The following ANK3 variants were observed in gnomAD, a reference collection of about 807,000 sequenced individuals.
ANK3 encodes the protein ankyrin-3.
A neutral mutation model predicts 370.9 loss-of-function variants in ANK3; 57 were observed. That is an observed-to-expected ratio of 0.15 (90% CI 0.12 to 0.19). The LOEUF (loss-of-function observed/expected upper bound fraction) is 0.19. Among genes scored for constraint, ANK3 ranks in the 10% least tolerant of loss-of-function variants. The probability of loss-of-function intolerance (pLI) is 1.00; values close to 1 mark genes in which losing one functional copy is unlikely to be tolerated. For missense variants in ANK3, 4,439 were observed against 5,302.1 expected, an observed-to-expected ratio of 0.84 and a Z score of 5.06; for synonymous variants, 1,929 against 1,946.3, an observed-to-expected ratio of 0.99 and a Z score of 0.23.
At chr10:60,598,498 C>T (rs1039533044) in intron 2 of ANK3, among the ~76,000 whole-genome samples, 1 of 152,034 alleles carries the variant, frequency 6.6e-6, no homozygotes, top group African/African-American at 2.4e-5. Flanking sequence ...GAAAAGATTA[C>T]CTTGGAAATG....
chr10:60,219,087 A>G (rs1009047164), intron 8 of ANK3, among the ~76,000 whole-genome samples: 1 of 151,578 alleles, frequency 6.6e-6, no homozygotes, highest in Non-Finnish European at 1.5e-5. Flanking sequence ...TGATACTTGT[A>G]TATGCTTCAT....
intron 2 of ANK3, among the ~76,000 whole-genome samples, chr10:60,614,741 T>A (rs2078244727): frequency 1.3e-5 from 2 of 152,228 alleles, no homozygotes; most frequent in African/African-American, 4.8e-5. Context: ...TAATTCCAGA[T>A]CTAGAAGCAA....
intron 2 of ANK3, among the ~76,000 whole-genome samples, chr10:60,543,632 T>G (rs2133219862): frequency 6.6e-6 from 1 of 152,244 alleles, no homozygotes; most frequent in East Asian, 1.9e-4. Flanking sequence ...TCTCTGTTAC[T>G]GGATAGGTAC....
At chr10:60,694,221 C>T (rs538391456) in intron 1 of ANK3, among the ~76,000 whole-genome samples, 45 of 152,202 alleles carry the variant, frequency 3.0e-4, no homozygotes, top group Non-Finnish European at 5.4e-4. Context: ...AAGAAACGAG[C>T]GAAGCCTCCA....
intron 1 of ANK3, among the ~76,000 whole-genome samples, chr10:60,654,099 T>A (rs1244118787): frequency 6.6e-6 from 1 of 152,170 alleles, no homozygotes; most frequent in Non-Finnish European, 1.5e-5. Context: ...AATGAATCTG[T>A]TTTTGTATTT....
chr10:60,137,380 A>AG, intron 24 of ANK3: 1 of 368,368 alleles, frequency 2.7e-6, no homozygotes, highest in South Asian at 2.1e-5. Context: ...TTAGGAAAAA[A>AG]AAAAAAAAAA....
At chr10:60,401,147 T>A (rs2063345256) in intron 2 of ANK3, among the ~76,000 whole-genome samples, 1 of 152,176 alleles carries the variant, frequency 6.6e-6, no homozygotes, top group South Asian at 2.1e-4. Context: ...AAATACTGCA[T>A]GATTCCACGA....
intron 2 of ANK3, among the ~76,000 whole-genome samples, chr10:60,583,409 C>A (rs1379886211): frequency 6.6e-6 from 1 of 151,488 alleles, no homozygotes; most frequent in Non-Finnish European, 1.5e-5. Flanking sequence ...AAGCTATAGT[C>A]AGATAGGAGG....
At chr10:60,460,102 A>T (rs1435311250) in intron 2 of ANK3, among the ~76,000 whole-genome samples, 1 of 152,144 alleles carries the variant, frequency 6.6e-6, no homozygotes, top group African/African-American at 2.4e-5. Flanking sequence ...AATTCCTTTG[A>T]GCACACCCAC....
intron 1 of ANK3, among the ~76,000 whole-genome samples, chr10:60,620,812 G>A (rs2078326304): frequency 6.6e-6 from 1 of 152,038 alleles, no homozygotes; most frequent in Non-Finnish European, 1.5e-5. Flanking sequence ...TGAATAAAAA[G>A]AAAATGGATA....
intron 2 of ANK3, among the ~76,000 whole-genome samples, chr10:60,473,377 A>C (rs986066352): frequency 6.6e-6 from 1 of 152,196 alleles, no homozygotes; most frequent in Admixed American, 6.5e-5. Context: ...ATATAAATCT[A>C]TTTCCTAATG....
intron 2 of ANK3, among the ~76,000 whole-genome samples, chr10:60,600,752 A>C (rs2078049839): frequency 6.6e-6 from 1 of 152,158 alleles, no homozygotes. Context: ...ATTTGATTAG[A>C]TATTAGATAT....
intron 1 of ANK3, among the ~76,000 whole-genome samples, chr10:60,664,416 G>A (rs1259400322): frequency 2.6e-5 from 4 of 152,160 alleles, no homozygotes; most frequent in Admixed American, 2.6e-4. Flanking sequence ...ATATATGTGT[G>A]TACAAAGATA....
At chr10:60,712,232 G>A (rs957304165) in intron 1 of ANK3, among the ~76,000 whole-genome samples, 1 of 152,136 alleles carries the variant, frequency 6.6e-6, no homozygotes, top group Non-Finnish European at 1.5e-5. Context: ...TAGTTTATTT[G>A]GTGATTATAG....
intron 2 of ANK3, among the ~76,000 whole-genome samples, chr10:60,495,077 A>T (rs1054499766): frequency 6.6e-6 from 1 of 152,206 alleles, no homozygotes; most frequent in Non-Finnish European, 1.5e-5. Flanking sequence ...TGTAAAAAAG[A>T]GAAACTCTAC....
At chr10:60,133,182 C>T (rs906781558) in intron 25 of ANK3, among the ~76,000 whole-genome samples, 1 of 152,170 alleles carries the variant, frequency 6.6e-6, no homozygotes, top group Non-Finnish European at 1.5e-5. Flanking sequence ...CTCCAATTCA[C>T]GTTCATTGTG....
At chr10:60,498,242 C>A (rs1027393730) in intron 2 of ANK3, among the ~76,000 whole-genome samples, 1 of 152,026 alleles carries the variant, frequency 6.6e-6, no homozygotes, top group South Asian at 2.1e-4. Context: ...CATAAGAAAA[C>A]AAAACAAAAC....
Sources: gnomAD v4.1 joint callset for allele counts (sites outside exome capture counted in the v4.1 genomes callset) on GRCh38, gnomAD v4.1.1 for gene constraint, MANE v1.5 for transcripts, NCBI Gene and HGNC (gene_info 2026-07-23, HGNC 2026-07-21) for gene names.